XRN1: variants seen among roughly 807,000 people sequenced by gnomAD.
XRN1 encodes the protein 5'-3' exoribonuclease 1, also known as strand-exchange protein 1 homolog.
A neutral mutation model predicts 222.3 loss-of-function variants in XRN1; 67 were observed. The observed-to-expected ratio is 0.30, with a 90% confidence interval of 0.25 to 0.37. The LOEUF (loss-of-function observed/expected upper bound fraction) is 0.37, where lower values mean the gene tolerates loss of function less well. XRN1 is among the 10% of genes least tolerant of loss of function. XRN1 has a pLI of 1.00. For synonymous variants in XRN1, 643 were observed against 652.4 expected, an observed-to-expected ratio of 0.99 and a Z score of 0.22; for missense variants, 1,707 against 2,000.2, an observed-to-expected ratio of 0.85 and a Z score of 2.80.
chr3:142,392,724 T>C (rs1308900937), intron 20 of XRN1, among the ~76,000 whole-genome samples: 14 of 151,976 alleles, frequency 9.2e-5, no homozygotes, highest in African/African-American at 3.4e-4. Flanking sequence ...CAGTCTATCA[T>C]TGTTGGACAT....
intron 33 of XRN1, among the ~76,000 whole-genome samples, chr3:142,343,682 T>C (rs2066061324): frequency 6.6e-6 from 1 of 151,962 alleles, no homozygotes; most frequent in Non-Finnish European, 1.5e-5. Flanking sequence ...GGAGGTTTTG[T>C]AAAAAACTAA....
intron 13 of XRN1, among the ~76,000 whole-genome samples, chr3:142,414,865 G>A (rs574490578): frequency 2.6e-5 from 4 of 152,284 alleles, no homozygotes; most frequent in Admixed American, 6.5e-5. Flanking sequence ...TGAAAAACAC[G>A]TATAATGTAA....
Position 142,329,508 on chromosome 3 carries a change from C to A in XRN1, c.4330G>T (p.Val1444Leu). 6.3e-7 allele frequency: 1 copy of A among 1,595,900 alleles called. No individual in the cohort carries two copies. The highest frequency in any genetic ancestry group is 8.5e-7 in the Non-Finnish European group (1 of 1,173,924). ...PSQIPPVSTP[V>L]TELSRICSLV... ...GAACAAATTCGAGAAAGTTCAGTTA[C>A]TGGTGTGGATACAGGAGGGATCTGG... is the stretch of plus-strand genomic sequence containing the variant. Residue 1444 changes from valine (V) to leucine (L), a missense_variant, in exon 37 of 41, where the codon GTA becomes TTA. Val to Leu is a conservative substitution (Grantham distance 32). This residue lies in a region of XRN1 where 473 missense variants were observed against 482.0 expected (regional missense o/e 0.98). Coordinates refer to ENST00000392981, the MANE Select transcript of XRN1 (RefSeq NM_001282857.2).
intron 27 of XRN1, among the ~76,000 whole-genome samples, chr3:142,368,337 C>T (rs1425103432): frequency 6.6e-6 from 1 of 152,020 alleles, no homozygotes; most frequent in Non-Finnish European, 1.5e-5. Context: ...TTATTAGAGA[C>T]AGGGTTTCAC....
At chr3:142,350,394 A>C (rs2066271889) in intron 32 of XRN1, among the ~76,000 whole-genome samples, 1 of 152,172 alleles carries the variant, frequency 6.6e-6, no homozygotes, top group Admixed American at 6.5e-5. Flanking sequence ...TTATGGCTGT[A>C]GCAAAAATGT....
chr3:142,417,112 A>G, intron 13 of XRN1, 28 bp downstream of exon 13: 1 of 1,564,468 alleles, frequency 6.4e-7, no homozygotes, highest in Non-Finnish European at 8.8e-7. Context: ...AAAAAGACAA[A>G]ACTTTATTTT....
intron 13 of XRN1, among the ~76,000 whole-genome samples, chr3:142,415,414 T>C (rs2068746019): frequency 6.6e-6 from 1 of 152,202 alleles, no homozygotes; most frequent in Non-Finnish European, 1.5e-5. Flanking sequence ...GGCTTTGACT[T>C]AATTCTTGGG....
intron 33 of XRN1, among the ~76,000 whole-genome samples, chr3:142,338,762 C>T (rs1331888781): frequency 6.6e-6 from 1 of 152,108 alleles, no homozygotes; most frequent in African/African-American, 2.4e-5. Flanking sequence ...CAGCATTTAT[C>T]ACAAGCTGAC....
chr3:142,354,655 T>C (rs544760605), intron 32 of XRN1, among the ~76,000 whole-genome samples: 1 of 152,192 alleles, frequency 6.6e-6, no homozygotes, highest in South Asian at 2.1e-4. Context: ...GCCTCCCAAG[T>C]TCAAGCAACT....
intron 33 of XRN1, among the ~76,000 whole-genome samples, chr3:142,338,803 G>A (rs1577246765): frequency 6.6e-6 from 1 of 152,284 alleles, no homozygotes; most frequent in East Asian, 1.9e-4. Context: ...ATCAGCAACA[G>A]CCTAGCAGTA....
intron 20 of XRN1, among the ~76,000 whole-genome samples, chr3:142,391,648 G>A (rs1026651629): frequency 5.3e-5 from 8 of 150,722 alleles, no homozygotes; most frequent in African/African-American, 1.5e-4. Context: ...AGGATTGCTC[G>A]AACTCAGGAG....
rs2065631515 is a variant in XRN1 at position 142,329,591 on chromosome 3, C to G, written c.4247G>C (p.Ser1416Thr). 1 of 1,551,096 alleles carries G rather than the reference C, an allele frequency of 6.4e-7. No individual in the cohort carries two copies. The highest frequency in any genetic ancestry group is 8.6e-7 in the Non-Finnish European group (1 of 1,157,304). ...CTGAACATTATGGTACTCATTAGCA[C>G]TGTGAGGCTTGTTCATATAAGATGC... ...KLASYMNKPH[S>T]ANEYHNVQSM... is the part of the protein sequence containing the mutation. Residue 1416 changes from serine (S) to threonine (T), a missense_variant, in exon 37 of 41, where the codon AGT becomes ACT. This residue lies in a region of XRN1 where 473 missense variants were observed against 482.0 expected (regional missense o/e 0.98). Coordinates refer to ENST00000392981, the MANE Select transcript of XRN1 (RefSeq NM_001282857.2).
At chr3:142,371,801 C>T (rs2066999303) in intron 25 of XRN1, among the ~76,000 whole-genome samples, 1 of 152,174 alleles carries the variant, frequency 6.6e-6, no homozygotes, top group African/African-American at 2.4e-5. Context: ...CATCCCTCTC[C>T]AATCCATTAA....
chr3:142,343,542 A>G (rs1019760778), intron 33 of XRN1, among the ~76,000 whole-genome samples: 2 of 152,198 alleles, frequency 1.3e-5, no homozygotes, highest in African/African-American at 4.8e-5. Flanking sequence ...ATATCATGTC[A>G]CCGCAGATAA....
Position 142,400,559 on chromosome 3 carries a change from A to T in XRN1, c.2104-12T>A, listed in dbSNP as rs1363540035. 6.3e-7 allele frequency: 1 copy of T among 1,598,102 alleles called. No individual in the cohort carries two copies. Among genetic ancestry groups the T allele is most frequent in the South Asian group, 1.1e-5 (1 of 87,460 alleles). On this transcript the variant is annotated splice_polypyrimidine_tract_variant and intron_variant, in intron 18 of 40. Coordinates refer to ENST00000392981, the MANE Select transcript of XRN1 (RefSeq NM_001282857.2). Reference sequence around the variant, plus strand: ...ACATTTTCTACGGTCTTAAAGTAAAAGCAAAAAAGTTCATTCATGATTTCA... The same window carrying T: ...ACATTTTCTACGGTCTTAAAGTAAATGCAAAAAAGTTCATTCATGATTTCA...
chr3:142,329,700 C>A (rs2065636631), intron 36 of XRN1, 85 bp from the exon 37 acceptor site: 2 of 1,338,410 alleles, frequency 1.5e-6, no homozygotes, highest in Non-Finnish European at 2.0e-6. Flanking sequence ...TATAGAAGAG[C>A]AAGCAGGAAA....
intron 10 of XRN1, chr3:142,420,330 T>C (rs57177110): frequency 0.61 from 92,308 of 152,044 alleles, 28,997 homozygotes; most frequent in African/African-American, 0.78. Context: ...CTGGGAAAAC[T>C]ACCTTCATGA....
chr3:142,355,005 A>AT (rs2066422252), intron 32 of XRN1, among the ~76,000 whole-genome samples: 2 of 151,924 alleles, frequency 1.3e-5, no homozygotes, highest in African/African-American at 4.8e-5. Context: ...GTTCTCACTT[A>AT]TAAGTGGGAG....
intron 10 of XRN1, chr3:142,420,519 G>C (rs1397094851): frequency 6.2e-6 from 1 of 160,554 alleles, no homozygotes; most frequent in Non-Finnish European, 1.4e-5. Context: ...TTACAGGTGT[G>C]TGCCACCACA....
Sources: gnomAD v4.1 joint callset for allele counts (sites outside exome capture counted in the v4.1 genomes callset) on GRCh38, gnomAD v4.1.1 for gene constraint, gnomAD v4.1.1 regional missense constraint, MANE v1.5 for transcripts, NCBI Gene and HGNC (gene_info 2026-07-23, HGNC 2026-07-21) for gene names.